Variants in FRMPD4 observed in about 807,000 individuals in gnomAD.
FRMPD4 encodes FERM and PDZ domain containing 4.
FRMPD4 carries 22 observed loss-of-function variants against 94.1 expected under a neutral mutation model. The observed-to-expected ratio is 0.23, with a 90% CI of 0.17 to 0.33. The LOEUF (loss-of-function observed/expected upper bound fraction) is 0.33. FRMPD4 is among the 10% of genes least tolerant of loss of function. The pLI is 1.00. For synonymous variants in FRMPD4, 631 were observed against 548.6 expected, an observed-to-expected ratio of 1.15 and a Z score of -2.10; for missense variants, 1,111 against 1,339.9, an observed-to-expected ratio of 0.83 and a Z score of 2.67.
intron 1 of FRMPD4, among the ~76,000 whole-genome samples, chrX:12,476,546 C>A (rs1372195331): frequency 4.5e-5 from 5 of 110,670 alleles, no homozygotes; most frequent in Admixed American, 9.6e-5. Flanking sequence ...TATGGGAGAA[C>A]ATTTTTGCAA....
chrX:12,282,767 C>T (rs928197208), intron 1 of FRMPD4, among the ~76,000 whole-genome samples: 2 of 111,873 alleles, frequency 1.8e-5, no homozygotes, highest in Non-Finnish European at 3.8e-5. Context: ...AGGTTTCCAT[C>T]AGCTTGCCTT....
chrX:12,232,518 G>A (rs1045655685), intron 1 of FRMPD4, among the ~76,000 whole-genome samples: 1 of 110,695 alleles, frequency 9.0e-6, no homozygotes, highest in East Asian at 2.9e-4. Context: ...CCCACAACAC[G>A]TGGAAATTAT....
chrX:11,885,412 G>C (rs1462089967), intron 3 of FRMPD4, among the ~76,000 whole-genome samples: 1 of 110,878 alleles, frequency 9.0e-6, no homozygotes, highest in Non-Finnish European at 1.9e-5. Context: ...ATGGGGAGTT[G>C]TTTAGTGAGT....
At chrX:11,980,654 A>G (rs187429185) in intron 3 of FRMPD4, among the ~76,000 whole-genome samples, 25 of 111,958 alleles carry the variant, frequency 2.2e-4, no homozygotes, top group Admixed American at 1.9e-3. Flanking sequence ...CATAATATAC[A>G]TATAGGATGA....
At chrX:12,617,920 A>G (rs1339707603) in intron 4 of FRMPD4, among the ~76,000 whole-genome samples, 1 of 111,411 alleles carries the variant, frequency 9.0e-6, no homozygotes, top group Admixed American at 9.5e-5. Context: ...GAGAAAATGA[A>G]AGAGTTTTGC....
intron 2 of FRMPD4, among the ~76,000 whole-genome samples, chrX:12,605,112 T>C (rs746007345): frequency 8.9e-6 from 1 of 112,188 alleles, no homozygotes; most frequent in Non-Finnish European, 1.9e-5. Context: ...GGACTTGAAT[T>C]CAGGCAGTCT....
chrX:12,084,824 T>C (rs1044443738), intron 3 of FRMPD4, among the ~76,000 whole-genome samples: 68 of 112,260 alleles, frequency 6.1e-4, no homozygotes, highest in African/African-American at 2.1e-3. Flanking sequence ...TGATGGCACA[T>C]GGATTTGGAC....
chrX:12,496,745 A>G (rs993154445), intron 1 of FRMPD4, among the ~76,000 whole-genome samples: 2 of 111,465 alleles, frequency 1.8e-5, no homozygotes, highest in African/African-American at 6.5e-5. Context: ...ACATGTAGCC[A>G]TGTTTGATCT....
chrX:12,439,620 G>C, intron 1 of FRMPD4, among the ~76,000 whole-genome samples: 1 of 111,724 alleles, frequency 9.0e-6, no homozygotes, highest in Non-Finnish European at 1.9e-5. Flanking sequence ...AACTGACAAA[G>C]TCCAGAGCTC....
intron 1 of FRMPD4, among the ~76,000 whole-genome samples, chrX:12,150,781 G>A (rs370470331): frequency 4.5e-5 from 5 of 111,662 alleles, no homozygotes; most frequent in African/African-American, 1.6e-4. Flanking sequence ...TCACCCAAGT[G>A]CTCTGAGGGA....
intron 1 of FRMPD4, among the ~76,000 whole-genome samples, chrX:11,843,246 T>C (rs757953906): frequency 8.9e-6 from 1 of 111,971 alleles, no homozygotes; most frequent in African/African-American, 3.2e-5. Flanking sequence ...ATGAGGAATA[T>C]TGGTTTGTAA....
At chrX:12,028,521 A>G (rs1392953350) in intron 3 of FRMPD4, among the ~76,000 whole-genome samples, 1 of 110,129 alleles carries the variant, frequency 9.1e-6, no homozygotes, top group African/African-American at 3.3e-5. Flanking sequence ...ATTAGGGTTC[A>G]TTCTCGGTGT....
chrX:12,612,823 C>T lies in FRMPD4; in HGVS notation c.320-1956C>T, dbSNP rs182663595. On this transcript the variant is annotated intron_variant, in intron 3 of 16. Coordinates refer to ENST00000675598, the MANE Select transcript of FRMPD4 (RefSeq NM_001368397.1). ...CACATAATACTTATAATAAGTTTCC[C>T]AAGTGGTTTTTCTGAGTTCCTTATG... Among the ~76,000 whole-genome samples, 180 of 112,129 alleles carry T rather than the reference C, an allele frequency of 1.6e-3. 1 individual carries two copies. The highest frequency in any genetic ancestry group is 1.4e-3 in the Admixed American group (15 of 10,639).
At chrX:12,211,175 AGTG>A (rs1265150926) in intron 1 of FRMPD4, among the ~76,000 whole-genome samples, 2 of 112,130 alleles carry the variant, frequency 1.8e-5, no homozygotes, top group African/African-American at 3.2e-5. Flanking sequence ...AGACTTGGAT[AGTG>A]GTGGTTGCTT....
At chrX:12,180,341 T>C (rs1172533525) in intron 1 of FRMPD4, among the ~76,000 whole-genome samples, 1 of 112,015 alleles carries the variant, frequency 8.9e-6, no homozygotes, top group Non-Finnish European at 1.9e-5. Flanking sequence ...ACAACTCTTT[T>C]GACATTTCTT....
chrX:12,607,143 C>T (rs1434778090), intron 2 of FRMPD4, among the ~76,000 whole-genome samples: 3 of 111,483 alleles, frequency 2.7e-5, no homozygotes, highest in African/African-American at 9.8e-5. Context: ...ACCCTGGTCA[C>T]TGGGGCTCAC....
intron 1 of FRMPD4, among the ~76,000 whole-genome samples, chrX:11,838,427 A>C (rs760063766): frequency 1.3e-4 from 14 of 111,981 alleles, no homozygotes; most frequent in African/African-American, 4.5e-4. Context: ...GGTAGGAATC[A>C]AAATGGCAAA....
intron 1 of FRMPD4, among the ~76,000 whole-genome samples, chrX:12,193,762 G>GAA (rs1555932547): frequency 8.5e-5 from 1 of 11,821 alleles, no homozygotes; most frequent in Admixed American, 1.5e-3. Flanking sequence ...CAGAAAGAAA[G>GAA]AAAGAAAGAA....
At chrX:12,051,179 TAAAC>T (rs1290438396) in intron 3 of FRMPD4, among the ~76,000 whole-genome samples, 5 of 112,134 alleles carry the variant, frequency 4.5e-5, no homozygotes, top group Non-Finnish European at 9.4e-5. Context: ...ATGGGAATGA[TAAAC>T]AACAAATTCA....
Sources: allele counts gnomAD v4.1 joint callset (sites outside exome capture counted in the v4.1 genomes callset), GRCh38; gene constraint gnomAD v4.1.1; transcripts MANE v1.5; gene names NCBI Gene and HGNC (gene_info 2026-07-23, HGNC 2026-07-21).